EYA1: variants seen among roughly 807,000 people sequenced by gnomAD.
EYA1 encodes the protein EYA transcriptional coactivator and phosphatase 1.
In EYA1, 16 loss-of-function variants were observed where a neutral mutation model predicts 82.0. That is an observed-to-expected ratio of 0.20 (90% CI 0.13 to 0.30). The LOEUF is 0.30. EYA1 is among the 10% of genes least tolerant of loss of function. The pLI, the probability that EYA1 is intolerant of heterozygous loss-of-function variation, is 1.00. For synonymous variants in EYA1, 261 were observed against 264.4 expected (o/e 0.99, Z 0.12); for missense variants, 633 against 730.7 (o/e 0.87, Z 1.54).
At chr8:71,285,034 T>A (rs1818214425) in intron 9 of EYA1, among the ~76,000 whole-genome samples, 1 of 152,332 alleles carries the variant, frequency 6.6e-6, no homozygotes, top group South Asian at 2.1e-4. Context: ...GACCCTCTTG[T>A]CTTCTATATC....
chr8:71,435,884 G>T (rs1370723407), intron 2 of EYA1, among the ~76,000 whole-genome samples: 1 of 152,050 alleles, frequency 6.6e-6, no homozygotes, highest in Non-Finnish European at 1.5e-5. Context: ...TTTTGGTAAT[G>T]TTTCTCCACT....
intron 12 of EYA1, among the ~76,000 whole-genome samples, chr8:71,234,343 G>T (rs1811573994): frequency 6.6e-6 from 1 of 152,080 alleles, no homozygotes; most frequent in South Asian, 2.1e-4. Flanking sequence ...GTCTGTCTCT[G>T]TGGGAATTCT....
chr8:71,435,277 T>C (rs1805924538), intron 2 of EYA1, among the ~76,000 whole-genome samples: 1 of 152,150 alleles, frequency 6.6e-6, no homozygotes. Flanking sequence ...TCTGCTTTTA[T>C]TGTTTGTCAT....
chr8:71,505,870 C>G (rs1281649667), intron 2 of EYA1, among the ~76,000 whole-genome samples: 1 of 152,092 alleles, frequency 6.6e-6, no homozygotes, highest in Non-Finnish European at 1.5e-5. Flanking sequence ...AGGGTGAGAC[C>G]TGGTGGGAGG....
At chr8:71,374,724 A>C (rs1386426963) in intron 2 of EYA1, among the ~76,000 whole-genome samples, 2 of 152,236 alleles carry the variant, frequency 1.3e-5, no homozygotes, top group Non-Finnish European at 2.9e-5. Flanking sequence ...TTGCAGCTTT[A>C]TTCACAATAG....
chr8:71,523,240 G>A (rs1490344087), intron 2 of EYA1, among the ~76,000 whole-genome samples: 1 of 140,740 alleles, frequency 7.1e-6, no homozygotes, highest in African/African-American at 2.7e-5. Context: ...ATGCAGTGGC[G>A]CGATCTCGGC....
At chr8:71,311,266 A>G (rs557212837) in intron 7 of EYA1, among the ~76,000 whole-genome samples, 224 of 152,314 alleles carry the variant, frequency 1.5e-3, no homozygotes, top group African/African-American at 5.0e-3. Context: ...TTTACATAAA[A>G]GGAGAATAAA....
chr8:71,266,998 C>A (rs1374613768), intron 11 of EYA1, among the ~76,000 whole-genome samples: 3 of 152,228 alleles, frequency 2.0e-5, no homozygotes, highest in African/African-American at 4.8e-5. Context: ...CCAAATAATT[C>A]TTTCCATCTC....
At chr8:71,248,425 A>T (rs995898495) in intron 11 of EYA1, among the ~76,000 whole-genome samples, 1 of 152,242 alleles carries the variant, frequency 6.6e-6, no homozygotes, top group Non-Finnish European at 1.5e-5. Flanking sequence ...CAGCTGAAAT[A>T]TATTTGCCAA....
chr8:71,346,481 T>C, intron 3 of EYA1, among the ~76,000 whole-genome samples: 1 of 146,328 alleles, frequency 6.8e-6, no homozygotes, highest in Non-Finnish European at 1.5e-5. Flanking sequence ...TCCCTGCAGT[T>C]TTCCCCACCT....
chr8:71,221,326 C>T lies in EYA1; in HGVS notation c.1141-4303G>A, dbSNP rs892523026. ...GGCAGTGAGGTGGGGTGGGATGGGG[C>T]GGGGAAGGTACAAAGGAACCCCGGG... On this transcript the variant is annotated intron_variant, in intron 12 of 17. Coordinates refer to ENST00000340726, the MANE Select transcript of EYA1 (RefSeq NM_000503.6). Among the ~76,000 whole-genome samples the T allele has an allele frequency of 3.2e-5, 4 of 125,986 alleles. No individual in the cohort carries two copies. The South Asian group carries it at 7.6e-4, about 24-fold the overall frequency. 82.7% of individuals were successfully genotyped at this position (125,986 alleles called of 152,430 possible).
chr8:71,363,978 A>G (rs1237188243), upstream of EYA1, among the ~76,000 whole-genome samples: 1 of 152,062 alleles, frequency 6.6e-6, no homozygotes, highest in African/African-American at 2.4e-5. Context: ...AATATTATGT[A>G]AAGTATGTCA....
chr8:71,208,645 A>G (rs1808125770), intron 17 of EYA1, among the ~76,000 whole-genome samples: 1 of 152,164 alleles, frequency 6.6e-6, no homozygotes, highest in African/African-American at 2.4e-5. Flanking sequence ...GAGTTGACGG[A>G]TGCAGCAAAC....
intron 2 of EYA1, among the ~76,000 whole-genome samples, chr8:71,489,896 T>G (rs1429876891): frequency 6.6e-6 from 1 of 152,190 alleles, no homozygotes; most frequent in African/African-American, 2.4e-5. Context: ...AACTTGCAGC[T>G]TTGTGAGTTA....
intron 2 of EYA1, 136 bp downstream of exon 2, chr8:71,356,326 C>A: frequency 1.4e-6 from 1 of 700,064 alleles, no homozygotes; most frequent in Non-Finnish European, 2.4e-6. Context: ...TACAAGCACA[C>A]ACACACAAAC....
At chr8:71,329,892 G>C (rs996237196) in intron 4 of EYA1, among the ~76,000 whole-genome samples, 2 of 152,158 alleles carry the variant, frequency 1.3e-5, no homozygotes, top group African/African-American at 4.8e-5. Context: ...GGAGTAACCT[G>C]ATCCGGTAGA....
At chr8:71,491,455 G>A (rs1220341854) in intron 2 of EYA1, among the ~76,000 whole-genome samples, 1 of 152,154 alleles carries the variant, frequency 6.6e-6, no homozygotes, top group Middle Eastern at 3.2e-3. Flanking sequence ...CCTAGCCCCA[G>A]TACCTCAGCA....
chr8:71,238,558 C>T (rs1304157495), intron 12 of EYA1, among the ~76,000 whole-genome samples: 2 of 151,974 alleles, frequency 1.3e-5, no homozygotes, highest in African/African-American at 4.8e-5. Flanking sequence ...AAGGTTTCTT[C>T]CTAAATTTCC....
rs1011778589 is a variant in EYA1, at chr8:71,435,371, A to C, written c.34-78860T>G. ...CATATAGTGATACAGGGGTATCATA[A>C]TGTTTTATTGGATAAATAAATTGAT... On this transcript the variant is annotated intron_variant, in intron 2 of 18. Transcript: ENST00000643681. 6.8e-4 allele frequency among the ~76,000 whole-genome samples: 104 copies of C among 152,086 alleles called. 1 individual carries two copies. Among genetic ancestry groups the C allele is most frequent in the African/African-American group, 2.2e-3 (92 of 41,446 alleles).
Sources: gnomAD v4.1 joint callset for allele counts (sites outside exome capture counted in the v4.1 genomes callset) on GRCh38, gnomAD v4.1.1 for gene constraint, MANE v1.5 for transcripts, NCBI Gene and HGNC (gene_info 2026-07-23, HGNC 2026-07-21) for gene names.